Variants in MOBP observed in about 807,000 individuals in gnomAD.
The protein encoded by MOBP is myelin-associated oligodendrocyte basic protein.
MOBP carries 5 observed loss-of-function variants against 15.0 expected under a neutral mutation model. The observed-to-expected ratio is 0.33, with a 90% CI of 0.17 to 0.70. The LOEUF is 0.70. Ranked by LOEUF, MOBP falls within the 30% of genes least tolerant of loss-of-function variation. The pLI is 0.67. For synonymous variants in MOBP, 88 were observed against 99.0 expected, an observed-to-expected ratio of 0.89 and a Z score of 0.66; for missense variants, 188 against 257.8, an observed-to-expected ratio of 0.73 and a Z score of 1.85.
chr3:39,511,617 C>T (rs1221476055), intron 4 of MOBP, among the ~76,000 whole-genome samples: 1 of 152,196 alleles, frequency 6.6e-6, no homozygotes, highest in African/African-American at 2.4e-5. Flanking sequence ...GTCGCCCTTT[C>T]TGTGAGCTCC....
downstream of MOBP, among the ~76,000 whole-genome samples, chr3:39,504,548 G>A (rs1290729705): frequency 2.6e-5 from 4 of 152,184 alleles, no homozygotes; most frequent in African/African-American, 4.8e-5. Flanking sequence ...TCCACAGGCC[G>A]TTATTACCTC....
At chr3:39,484,456 A>G (rs1344840929) in intron 2 of MOBP, among the ~76,000 whole-genome samples, 1 of 152,194 alleles carries the variant, frequency 6.6e-6, no homozygotes. Flanking sequence ...CGTGGAGGAT[A>G]GATAAGGGGA....
chr3:39,490,852 C>T (rs1768222), intron 2 of MOBP, among the ~76,000 whole-genome samples: 45,375 of 152,068 alleles, frequency 0.3, 9,158 homozygotes, highest in African/African-American at 0.57. Context: ...TGTGAGCCAC[C>T]GTGCCTGGCC....
intron 1 of MOBP, among the ~76,000 whole-genome samples, chr3:39,477,751 G>A (rs1026707383): frequency 6.6e-6 from 1 of 151,804 alleles, no homozygotes. Flanking sequence ...ATGAGAGGTG[G>A]AGGTAGAAGA....
At chr3:39,509,624 T>C (rs542415841) in intron 4 of MOBP, among the ~76,000 whole-genome samples, 18 of 152,348 alleles carry the variant, frequency 1.2e-4, no homozygotes, top group African/African-American at 4.1e-4. Context: ...ATAAACAATA[T>C]GTTTTGCAAG....
intron 2 of MOBP, among the ~76,000 whole-genome samples, chr3:39,488,633 A>G (rs2042750135): frequency 6.6e-6 from 1 of 152,244 alleles, no homozygotes; most frequent in African/African-American, 2.4e-5. Flanking sequence ...TTTGTTGAAT[A>G]CATAAATGTT....
chr3:39,502,242 A>G lies in MOBP; in HGVS notation c.173A>G (p.Glu58Gly). The change falls in exon 3 of 4, where the codon GAG becomes GGG. Residue 58 changes from glutamate to glycine, a missense_variant. By Grantham distance (98) the Glu-to-Gly change is moderately conservative (BLOSUM62 -2). Around this residue, in one of 2 missense-constraint regions of MOBP, gnomAD observed 133 missense variants for 212.5 expected, o/e 0.63. Coordinates refer to ENST00000684792, the MANE Select transcript of MOBP (RefSeq NM_001393704.1). The surrounding 1 kb of genome is among the most constrained non-coding windows in gnomAD (Gnocchi z 6.3). The part of the protein sequence containing the change: ...KSGCFYQKKE[E>G]DWICCACQKT... ...GGCTGCTTCTACCAGAAGAAAGAGG[A>G]GGACTGGATCTGCTGCGCCTGCCAG... 1 of 1,614,206 alleles carries G rather than the reference A, an allele frequency of 6.2e-7. No homozygotes were observed. The highest frequency in any genetic ancestry group is 8.5e-7 in the Non-Finnish European group (1 of 1,180,042).
At chr3:39,515,070 A>G (rs1068953) in exon 5 of MOBP, 39,317 of 151,710 alleles carry the variant, frequency 0.26, 5,853 homozygotes, top group African/African-American at 0.41. Flanking sequence ...TTTCTCTCTC[A>G]CACAAAAATA....
Position 39,494,637 on chromosome 3 carries a change from A to T in MOBP, c.-4-7429A>T, listed in dbSNP as rs565032968. Among the ~76,000 whole-genome samples the T allele has an allele frequency of 1.6e-4, 25 of 152,312 alleles. No homozygotes were observed. In the South Asian group the frequency reaches 4.4e-3, roughly 27 times the overall value. ...TCATCAGAGATACACAGTGAGATAAATAGAGTGTGTCTAAAAAACTCAGCA... is the reference window on the plus strand; with the variant it reads ...TCATCAGAGATACACAGTGAGATAATTAGAGTGTGTCTAAAAAACTCAGCA... On this transcript the variant is annotated intron_variant, in intron 2 of 3. Transcript: ENST00000684792.
chr3:39,475,969 A>G (rs1412219753), intron 1 of MOBP, among the ~76,000 whole-genome samples: 1 of 152,324 alleles, frequency 6.6e-6, no homozygotes, highest in African/African-American at 2.4e-5. Context: ...AATATCTGAC[A>G]CTGAGTAATT....
intron 2 of MOBP, among the ~76,000 whole-genome samples, chr3:39,486,721 T>A (rs1420455114): frequency 6.6e-6 from 1 of 152,180 alleles, no homozygotes; most frequent in African/African-American, 2.4e-5. Context: ...TATTTTTATA[T>A]GCTTATGGGT....
chr3:39,501,949 G>A (rs2042975586), intron 2 of MOBP, 117 bp from the exon 3 acceptor site: 2 of 802,688 alleles, frequency 2.5e-6, no homozygotes, highest in Admixed American at 4.5e-5. Flanking sequence ...GCTCTGTAGG[G>A]CCCCCCTGAA....
rs758486349 is a variant in MOBP at position 39,502,319 on chromosome 3, G to T, written c.206+44G>T. The T allele has an allele frequency of 6.2e-7, 1 of 1,610,950 alleles. No individual in the cohort carries two copies. Among genetic ancestry groups the T allele is most frequent in the East Asian group, 2.2e-5 (1 of 44,840 alleles). ...CCGCGGCACCAGTTGGGCACAGCGCGTGGTCTCGGCTCCCAGCACGCCCCT... is the reference window on the plus strand; with the variant it reads ...CCGCGGCACCAGTTGGGCACAGCGCTTGGTCTCGGCTCCCAGCACGCCCCT... On this transcript the variant is annotated intron_variant, in intron 3 of 3. Coordinates refer to ENST00000684792, the MANE Select transcript of MOBP (RefSeq NM_001393704.1). The surrounding 1 kb of genome is among the most constrained non-coding windows in gnomAD (Gnocchi z 6.3).
At chr3:39,484,758 T>C (rs2042676937) in intron 2 of MOBP, among the ~76,000 whole-genome samples, 1 of 152,240 alleles carries the variant, frequency 6.6e-6, no homozygotes, top group Non-Finnish European at 1.5e-5. Context: ...AAATAAATTA[T>C]CTGTGTGCTA....
intron 1 of MOBP, among the ~76,000 whole-genome samples, chr3:39,471,869 C>T (rs1302811772): frequency 6.6e-6 from 1 of 152,238 alleles, no homozygotes; most frequent in Non-Finnish European, 1.5e-5. Context: ...GGCATTGACT[C>T]AGCTACCAGA....
intron 4 of MOBP, among the ~76,000 whole-genome samples, chr3:39,509,602 T>C (rs926180461): frequency 3.9e-5 from 6 of 152,182 alleles, no homozygotes; most frequent in African/African-American, 1.4e-4. Context: ...ATATTCTAGA[T>C]ACAAGACATT....
rs1170002091 is a variant in MOBP, at chr3:39,502,393, C to T, written c.206+118C>T. 6.5e-7 allele frequency: 1 copy of T among 1,538,280 alleles called. No homozygotes were observed. Among genetic ancestry groups the T allele is most frequent in the Non-Finnish European group, 8.7e-7 (1 of 1,145,832 alleles). ...CCCTAGTCGGCTCCGGGTTAGGCTC[C>T]GACACCGGAAGGCACTCCAGGGAGA... On this transcript the variant is annotated intron_variant, in intron 3 of 3. Transcript: ENST00000684792. This position sits in a 1 kb window ranked among gnomAD's most constrained non-coding sequence, Gnocchi z 6.3.
chr3:39,526,773 CTTTTTTTTTTTTT>C (rs5848517), downstream of MOBP: 1 of 108,950 alleles, frequency 9.2e-6, no homozygotes. Context: ...TCCTTCCTTC[CTTTTTTTTTTTTT>C]TTTTTTTGAG....
chr3:39,514,402 A>C (rs564551036), exon 5 of MOBP: 2 of 152,120 alleles, frequency 1.3e-5, no homozygotes, highest in Non-Finnish European at 2.9e-5. Flanking sequence ...ACCTCGGGAC[A>C]CAGGCTCATG....
Sources: gnomAD v4.1 joint callset for allele counts (sites outside exome capture counted in the v4.1 genomes callset) on GRCh38, gnomAD v4.1.1 for gene constraint, gnomAD v4.1.1 regional missense constraint, Gnocchi (gnomAD v3.1) non-coding constraint, MANE v1.5 for transcripts, NCBI Gene and HGNC (gene_info 2026-07-23, HGNC 2026-07-21) for gene names.